Variants in NIT2 observed in about 807,000 individuals in gnomAD.
NIT2 encodes the protein nitrilase family member 2.
Under a neutral mutation model 42.7 loss-of-function variants are expected in NIT2, and 46 were observed. The ratio of observed to expected loss-of-function variants is 1.08; its 90% CI spans 0.85 to 1.38. The LOEUF (loss-of-function observed/expected upper bound fraction) is 1.38, where lower values mean the gene tolerates loss of function less well. NIT2 is among the 40% of genes most tolerant of loss of function. The probability of loss-of-function intolerance (pLI) is 0.00; values close to 1 mark genes in which losing one functional copy is unlikely to be tolerated. For missense variants in NIT2, 309 were observed against 342.5 expected (o/e 0.90, Z 0.77); for synonymous variants, 123 against 121.9 (o/e 1.01, Z -0.06).
At chr3:100,335,005 C>A in intron 1 of NIT2, 1 of 551,116 alleles carries the variant, frequency 1.8e-6, no homozygotes. Context: ...TCCGGGGTGG[C>A]GGGCGAGGCC....
At chr3:100,353,170 G>A (rs747019052) in intron 8 of NIT2, among the ~76,000 whole-genome samples, 3 of 152,212 alleles carry the variant, frequency 2.0e-5, no homozygotes, top group African/African-American at 4.8e-5. Context: ...CAGAGGAAGC[G>A]ACTGGAATTC....
chr3:100,345,115 C>T (rs189142272), intron 4 of NIT2, among the ~76,000 whole-genome samples: 25 of 151,332 alleles, frequency 1.7e-4, no homozygotes, highest in African/African-American at 3.4e-4. Flanking sequence ...CAACCACCCC[C>T]GGCTAATTTT....
rs1175329312 is a variant in NIT2, at chr3:100,341,098, G to A, written c.273G>A (p.Gly91=). 1.2e-6 allele frequency: 2 copies of A among 1,613,460 alleles called. No homozygotes were observed. Among genetic ancestry groups the A allele is most frequent in the Admixed American group, 3.3e-5 (2 of 60,024 alleles). ...GCTCTATCCCTGAAGAGGATGCTGGGAAATTATATAACACCTGTGCTGTGT... is the reference window on the plus strand; with the variant it reads ...GCTCTATCCCTGAAGAGGATGCTGGAAAATTATATAACACCTGTGCTGTGT... The part of the protein sequence containing the change: ...IGGSIPEEDA[G]KLYNTCAVFG... The change falls in exon 4 of 10, where the codon GGG becomes GGA. Residue 91 remains glycine (G), a synonymous_variant. Transcript: ENST00000394140.
rs762197575 is a variant in NIT2 at position 100,357,283 on chromosome 3, C to T, written c.*2015C>T. On this transcript the variant is annotated 3_prime_UTR_variant, in exon 10 of 10. Transcript: ENST00000394140. Reference sequence around the variant, plus strand: ...CTGAAAGTTAAACCTTGTAATAGTGCGAAATCATTTTCTTTTTTAAAAATA... The same window carrying T: ...CTGAAAGTTAAACCTTGTAATAGTGTGAAATCATTTTCTTTTTTAAAAATA... 1.4e-4 allele frequency: 21 copies of T among 151,986 alleles called. No individual in the cohort carries two copies. The highest frequency in any genetic ancestry group is 2.1e-4 in the South Asian group (1 of 4,810). The allele number at this position is 151,986 out of a possible 1,614,324, so 9.4% of individuals were successfully genotyped here. A position where few individuals can be genotyped will look rare whatever the true frequency, so the allele number is the denominator to read the frequency against.
At chr3:100,340,344 G>T (rs1706135036) in intron 3 of NIT2, among the ~76,000 whole-genome samples, 1 of 152,148 alleles carries the variant, frequency 6.6e-6, no homozygotes. Flanking sequence ...AGGATTACAG[G>T]TGTGAGCCAT....
chr3:100,335,330 A>G (rs1302147309), intron 1 of NIT2, among the ~76,000 whole-genome samples: 5 of 152,136 alleles, frequency 3.3e-5, no homozygotes, highest in Non-Finnish European at 7.3e-5. Context: ...TGTTAATGAT[A>G]CCTCACACAA....
chr3:100,344,472 A>G (rs1706190028), intron 4 of NIT2, among the ~76,000 whole-genome samples: 1 of 152,218 alleles, frequency 6.6e-6, no homozygotes, highest in Non-Finnish European at 1.5e-5. Flanking sequence ...TCTTTGAAGT[A>G]TATCTTTTTA....
chr3:100,357,960 T>G lies in NIT2; in HGVS notation c.*2692T>G, dbSNP rs559666461. On this transcript the variant is annotated 3_prime_UTR_variant, in exon 10 of 10. Transcript: ENST00000394140. The stretch of plus-strand genomic sequence containing the variant: ...CCCGGCCTAATTTTTGTATTTTTAG[T>G]AGAAATGGGGTTTCACCATGTTGGC... 2.0e-5 allele frequency: 3 copies of G among 152,362 alleles called. No individual in the cohort carries two copies. Among genetic ancestry groups the G allele is most frequent in the African/African-American group, 4.8e-5 (2 of 41,562 alleles). The allele number at this position is 152,362 out of a possible 1,614,324, so 9.4% of individuals were successfully genotyped here.
At chr3:100,335,296 C>T (rs1260023912) in intron 1 of NIT2, among the ~76,000 whole-genome samples, 1 of 152,188 alleles carries the variant, frequency 6.6e-6, no homozygotes, top group Non-Finnish European at 1.5e-5. Flanking sequence ...CTGCAAGTCC[C>T]CTGTTTCTTT....
chr3:100,343,830 C>A (rs1258167610), intron 4 of NIT2, among the ~76,000 whole-genome samples: 1 of 152,164 alleles, frequency 6.6e-6, no homozygotes, highest in Non-Finnish European at 1.5e-5. Flanking sequence ...TTGGATCACA[C>A]TTCTGTTTCT....
intron 9 of NIT2, 26 bp downstream of exon 9, chr3:100,354,853 G>A: frequency 1.9e-6 from 3 of 1,589,292 alleles, no homozygotes; most frequent in Admixed American, 1.7e-5. Flanking sequence ...GCATGGTTTA[G>A]GTCTCTGATG....
rs1373434344 is a variant in NIT2 at position 100,339,831 on chromosome 3, C to T, written c.143C>T (p.Pro48Leu). ...IVSLPECFNSPYGAKYFPEYA... is the reference protein window; with the variant it reads ...IVSLPECFNSLYGAKYFPEYA... Reference sequence around the variant, plus strand: ...TTTTTCTAGGAATGCTTTAATTCTCCATATGGAGCGAAATATTTTCCTGAA... The same window carrying T: ...TTTTTCTAGGAATGCTTTAATTCTCTATATGGAGCGAAATATTTTCCTGAA... Residue 48 changes from proline to leucine, a missense_variant, in exon 3 of 10, where the codon CCA becomes CTA. Transcript: ENST00000394140. 1.2e-6 allele frequency: 2 copies of T among 1,607,774 alleles called. No individual in the cohort carries two copies. The highest frequency in any genetic ancestry group is 1.3e-5 in the African/African-American group (1 of 74,538).
intron 1 of NIT2, chr3:100,335,064 T>C (rs1271998930): frequency 4.0e-6 from 2 of 498,406 alleles, no homozygotes; most frequent in Non-Finnish European, 7.6e-6. Flanking sequence ...CGCGTCCTGC[T>C]TGACAGAGGC....
intron 1 of NIT2, among the ~76,000 whole-genome samples, chr3:100,337,327 T>G (rs1285259642): frequency 6.6e-6 from 1 of 152,202 alleles, no homozygotes; most frequent in East Asian, 1.9e-4. Flanking sequence ...GCTTCATAGA[T>G]TATAATGTGC....
At chr3:100,345,268 G>T (rs1182117589) in intron 4 of NIT2, among the ~76,000 whole-genome samples, 1 of 152,138 alleles carries the variant, frequency 6.6e-6, no homozygotes, top group East Asian at 1.9e-4. Context: ...CTGATTCTGA[G>T]AAGTCTTTAT....
At chr3:100,349,487 G>A (rs1241572912) in intron 7 of NIT2, 1 of 152,200 alleles carries the variant, frequency 6.6e-6, no homozygotes, top group East Asian at 1.9e-4. Context: ...GATTAGATGT[G>A]GATTGGTCCC....
intron 3 of NIT2, among the ~76,000 whole-genome samples, 178 bp downstream of exon 3, chr3:100,340,113 C>T (rs564031487): frequency 6.6e-5 from 10 of 152,200 alleles, no homozygotes; most frequent in African/African-American, 9.6e-5. Flanking sequence ...CTTTGTCACC[C>T]GTGCTAGAGT....
intron 6 of NIT2, 22 bp from the exon 7 acceptor site, chr3:100,348,781 C>T (rs1283780684): frequency 1.2e-6 from 2 of 1,610,078 alleles, no homozygotes; most frequent in Non-Finnish European, 1.7e-6. Context: ...ATCCACTGTT[C>T]TTTGGCTTTT....
intron 6 of NIT2, 140 bp downstream of exon 6, chr3:100,346,395 T>A: frequency 1.5e-6 from 1 of 684,430 alleles, no homozygotes; most frequent in Non-Finnish European, 2.5e-6. Context: ...CCCATGAGGC[T>A]TCCCAGACTT....
Sources: gnomAD v4.1 joint callset for allele counts (sites outside exome capture counted in the v4.1 genomes callset) on GRCh38, gnomAD v4.1.1 for gene constraint, MANE v1.5 for transcripts, NCBI Gene and HGNC (gene_info 2026-07-23, HGNC 2026-07-21) for gene names.